SORCS3: variants seen among roughly 807,000 people sequenced by gnomAD.
The protein encoded by SORCS3 is sortilin related VPS10 domain containing receptor 3, also known as VPS10 domain-containing receptor SorCS3.
Under a neutral mutation model 146.3 loss-of-function variants are expected in SORCS3, and 57 were observed. The observed-to-expected ratio is 0.39, with a 90% CI of 0.31 to 0.49. SORCS3 has a LOEUF of 0.49. SORCS3 is among the 20% of genes least tolerant of loss of function. SORCS3 has a pLI of 0.92. For missense variants in SORCS3, 1,341 were observed against 1,575.5 expected (o/e 0.85, Z 2.52); for synonymous variants, 653 against 618.5 (o/e 1.06, Z -0.83).
chr10:104,968,767 CTTTG>C (rs1455152243), intron 3 of SORCS3, among the ~76,000 whole-genome samples: 2 of 152,172 alleles, frequency 1.3e-5, no homozygotes, highest in African/African-American at 4.8e-5. Context: ...TTGTGAATGT[CTTTG>C]TTTTTGTAGA....
At chr10:105,067,450 T>G (rs1412041302) in intron 5 of SORCS3, among the ~76,000 whole-genome samples, 1 of 152,146 alleles carries the variant, frequency 6.6e-6, no homozygotes, top group Non-Finnish European at 1.5e-5. Context: ...TTGCTTGAAC[T>G]CGGGAGGCGG....
At chr10:105,160,153 C>G (rs2056250076) in intron 11 of SORCS3, among the ~76,000 whole-genome samples, 1 of 152,126 alleles carries the variant, frequency 6.6e-6, no homozygotes, top group Admixed American at 6.6e-5. Flanking sequence ...GAACTGGAAG[C>G]TACATCAAAA....
At chr10:105,127,538 G>A (rs964400958) in intron 7 of SORCS3, among the ~76,000 whole-genome samples, 3 of 152,090 alleles carry the variant, frequency 2.0e-5, no homozygotes, top group Non-Finnish European at 4.4e-5. Context: ...GCAGGGTTGT[G>A]CTCAGATCAA....
chr10:104,800,429 C>T (rs1170868948), intron 1 of SORCS3, among the ~76,000 whole-genome samples: 8 of 152,080 alleles, frequency 5.3e-5, no homozygotes, highest in Non-Finnish European at 1.2e-4. Context: ...TTTGTCAAAA[C>T]CAAAAGAATG....
intron 4 of SORCS3, among the ~76,000 whole-genome samples, chr10:104,992,963 G>A (rs2055003552): frequency 6.6e-6 from 1 of 152,022 alleles, no homozygotes; most frequent in South Asian, 2.1e-4. Flanking sequence ...GAGAGTTAAA[G>A]AGGACCTGTA....
At chr10:104,936,298 A>T (rs1302055208) in intron 3 of SORCS3, among the ~76,000 whole-genome samples, 1 of 152,214 alleles carries the variant, frequency 6.6e-6, no homozygotes, top group Non-Finnish European at 1.5e-5. Context: ...ATTGTGTTGT[A>T]GGGAAGAGAT....
chr10:105,172,005 AC>A (rs1396043007), intron 13 of SORCS3, among the ~76,000 whole-genome samples: 4 of 152,144 alleles, frequency 2.6e-5, no homozygotes, highest in African/African-American at 9.7e-5. Context: ...TGCCCACCTT[AC>A]GTAGTTCCCA....
At chr10:104,801,852 G>T (rs1016330724) in intron 1 of SORCS3, among the ~76,000 whole-genome samples, 1 of 152,166 alleles carries the variant, frequency 6.6e-6, no homozygotes, top group Non-Finnish European at 1.5e-5. Context: ...TAAAAAATTG[G>T]AAATTTCTAC....
In SORCS3 at chr10:104,681,335, GCCC is replaced by G. The variant is rs2015972245; in HGVS notation, c.627+39382_627+39384del. ...CGGGCCGACTCCGTCATCCTCCCCC[GCCC>G]GCCCCTGCCTGCAGTGTGGGGGCTG... On this transcript the variant is annotated intron_variant, in intron 1 of 26. Transcript: ENST00000369701. 0.03 allele frequency among the ~76,000 whole-genome samples: 7 copies of G among 232 alleles called. 1 individual carries two copies. In the East Asian group the frequency reaches 0.67, roughly 22 times the overall value. The allele number at this position is 232 out of a possible 152,430, so 0.2% of individuals were successfully genotyped here. A position where few individuals can be genotyped will look rare whatever the true frequency, so the allele number is the denominator to read the frequency against.
intron 2 of SORCS3, among the ~76,000 whole-genome samples, chr10:104,888,466 C>T (rs2018715200): frequency 6.6e-6 from 1 of 152,150 alleles, no homozygotes; most frequent in African/African-American, 2.4e-5. Context: ...TTTCTAAAAA[C>T]ATGTGATCTA....
intron 2 of SORCS3, among the ~76,000 whole-genome samples, chr10:104,872,781 C>T (rs1467952848): frequency 6.6e-6 from 1 of 151,928 alleles, no homozygotes; most frequent in Non-Finnish European, 1.5e-5. Context: ...AATGTGCATG[C>T]TCATGTCCAC....
intron 2 of SORCS3, among the ~76,000 whole-genome samples, chr10:104,892,600 G>A (rs893178610): frequency 2.0e-5 from 3 of 152,112 alleles, no homozygotes; most frequent in Admixed American, 6.5e-5. Flanking sequence ...GCGTGTGCCT[G>A]TAGTCCCAGC....
At chr10:104,828,817 C>T (rs2017968592) in intron 1 of SORCS3, among the ~76,000 whole-genome samples, 1 of 152,056 alleles carries the variant, frequency 6.6e-6, no homozygotes. Context: ...CATTATCTTC[C>T]CACCCTGCTC....
chr10:105,263,631 C>G lies in SORCS3; in HGVS notation c.*257C>G. 2.2e-6 allele frequency: 1 copy of G among 459,544 alleles called. No homozygotes were observed. The highest frequency in any genetic ancestry group is 3.0e-5 in the South Asian group (1 of 33,058). The allele number at this position is 459,544 out of a possible 1,614,324, so 28.5% of individuals were successfully genotyped here. A position where few individuals can be genotyped will look rare whatever the true frequency, so the allele number is the denominator to read the frequency against. On this transcript the variant is annotated 3_prime_UTR_variant, in exon 27 of 27. Coordinates refer to ENST00000369701, the MANE Select transcript of SORCS3 (RefSeq NM_014978.3). The stretch of plus-strand genomic sequence containing the variant: ...CCCACAGCCTCCTCGCTTTACTCTG[C>G]CATTGGTAGCTTAAAGACTTTCTTT...
At chr10:105,214,320 G>T in intron 17 of SORCS3, 122 bp from the exon 18 acceptor site, 1 of 1,051,042 alleles carries the variant, frequency 9.5e-7, no homozygotes, top group Non-Finnish European at 1.4e-6. Context: ...AGGGGCCGCT[G>T]TGTGAAGCAC....
At chr10:104,774,938 C>T (rs1196326475) in intron 1 of SORCS3, among the ~76,000 whole-genome samples, 1 of 152,108 alleles carries the variant, frequency 6.6e-6, no homozygotes, top group African/African-American at 2.4e-5. Flanking sequence ...TGTTCTAATT[C>T]CCAAGGACAT....
intron 1 of SORCS3, among the ~76,000 whole-genome samples, chr10:104,777,822 G>A (rs376508616): frequency 2.0e-5 from 3 of 152,266 alleles, no homozygotes; most frequent in South Asian, 4.2e-4. Flanking sequence ...TCATTTTAAG[G>A]GTGATGGATT....
At chr10:104,834,007 C>G (rs1472389211) in intron 1 of SORCS3, among the ~76,000 whole-genome samples, 1 of 152,192 alleles carries the variant, frequency 6.6e-6, no homozygotes, top group Non-Finnish European at 1.5e-5. Flanking sequence ...CTTGACTATT[C>G]TCTTTTGTTC....
At chr10:105,137,884 A>G (rs925066820) in intron 7 of SORCS3, among the ~76,000 whole-genome samples, 1 of 152,240 alleles carries the variant, frequency 6.6e-6, no homozygotes, top group Non-Finnish European at 1.5e-5. Flanking sequence ...AATTAAACAA[A>G]TACATACAAT....
Sources: allele counts gnomAD v4.1 joint callset (sites outside exome capture counted in the v4.1 genomes callset), GRCh38; gene constraint gnomAD v4.1.1; transcripts MANE v1.5; gene names NCBI Gene and HGNC (gene_info 2026-07-23, HGNC 2026-07-21).